The following NBAS variants were observed in gnomAD, a reference collection of about 807,000 sequenced individuals.
NBAS encodes the protein NAG/BC035112 fusion.
Under a neutral mutation model 302.5 loss-of-function variants are expected in NBAS, and 219 were observed. The ratio of observed to expected loss-of-function variants is 0.72; its 90% CI spans 0.65 to 0.81. NBAS has a LOEUF of 0.81. NBAS is among the 30% of genes least tolerant of loss of function. The pLI is 0.00. For missense variants in NBAS, 2,932 were observed against 2,841.6 expected, an observed-to-expected ratio of 1.03 and a Z score of -0.72; for synonymous variants, 1,118 against 1,021.6, an observed-to-expected ratio of 1.09 and a Z score of -1.80.
At chr2:15,004,165 T>C in the NBAS span, among the ~76,000 whole-genome samples, 1 of 152,230 alleles carries the variant, frequency 6.6e-6, no homozygotes, top group Admixed American at 6.5e-5. Flanking sequence ...TCCTTCAACG[T>C]AGAAAATCGT....
chr2:15,176,973 T>G (rs1365774659), intron 51 of NBAS, among the ~76,000 whole-genome samples: 2 of 152,366 alleles, frequency 1.3e-5, no homozygotes, highest in South Asian at 2.1e-4. Flanking sequence ...AAGGTCTTTT[T>G]GTGGGACACA....
chr2:15,364,399 C>T (rs779323290), intron 32 of NBAS, among the ~76,000 whole-genome samples: 23 of 152,072 alleles, frequency 1.5e-4, no homozygotes, highest in Admixed American at 9.2e-4. Context: ...GGTGTGGTGG[C>T]GCATGCCTGT....
chr2:15,521,387 T>C (rs2148662034), intron 9 of NBAS, among the ~76,000 whole-genome samples: 1 of 152,326 alleles, frequency 6.6e-6, no homozygotes, highest in South Asian at 2.1e-4. Context: ...ATTCATACAG[T>C]TGTTCCACCT....
chr2:14,957,382 CA>C, the NBAS span, among the ~76,000 whole-genome samples: 2 of 151,606 alleles, frequency 1.3e-5, no homozygotes, highest in African/African-American at 2.4e-5. Context: ...ATTACCTTTT[CA>C]AAAGTTCTCA....
chr2:15,249,112 C>G (rs1668239848), intron 44 of NBAS, among the ~76,000 whole-genome samples: 1 of 152,108 alleles, frequency 6.6e-6, no homozygotes, highest in African/African-American at 2.4e-5. Context: ...AAAGCTTATC[C>G]ACCATGATCA....
At chr2:15,136,647 G>A in the NBAS span, among the ~76,000 whole-genome samples, 1 of 152,196 alleles carries the variant, frequency 6.6e-6, no homozygotes, top group Non-Finnish European at 1.5e-5. Flanking sequence ...CAGCTGATCA[G>A]GTCAGGGAGA....
intron 8 of NBAS, 100 bp from the exon 9 acceptor site, chr2:15,534,741 C>A (rs1225194994): frequency 1.2e-5 from 11 of 908,554 alleles, no homozygotes; most frequent in Non-Finnish European, 2.0e-5. Flanking sequence ...ACAGACAATA[C>A]CAAATATTGC....
At chr2:15,157,721 A>C in the NBAS span, among the ~76,000 whole-genome samples, 1 of 152,202 alleles carries the variant, frequency 6.6e-6, no homozygotes, top group Non-Finnish European at 1.5e-5. Flanking sequence ...CCCTGTCATG[A>C]CAACTGGGAG....
intron 28 of NBAS, among the ~76,000 whole-genome samples, chr2:15,392,226 A>G (rs1049956598): frequency 1.1e-4 from 17 of 151,896 alleles, no homozygotes; most frequent in African/African-American, 4.1e-4. Context: ...TTTTTAACAT[A>G]CATAAAAGTA....
At chr2:14,990,910 C>T in the NBAS span, among the ~76,000 whole-genome samples, 1 of 152,160 alleles carries the variant, frequency 6.6e-6, no homozygotes, top group African/African-American at 2.4e-5. Context: ...AAGAAATAGA[C>T]AATGGTGACA....
At chr2:15,387,261 G>T (rs1017157805) in intron 28 of NBAS, among the ~76,000 whole-genome samples, 1 of 151,968 alleles carries the variant, frequency 6.6e-6, no homozygotes, top group Non-Finnish European at 1.5e-5. Flanking sequence ...TAGAGACAAG[G>T]TTTCACCATG....
intron 38 of NBAS, among the ~76,000 whole-genome samples, chr2:15,310,660 T>C (rs927104568): frequency 1.3e-5 from 2 of 152,214 alleles, no homozygotes; most frequent in East Asian, 3.9e-4. Context: ...TGGGGGTTCA[T>C]GCCCGTAATC....
chr2:15,337,636 C>T (rs1672651296), intron 35 of NBAS, among the ~76,000 whole-genome samples: 1 of 152,088 alleles, frequency 6.6e-6, no homozygotes, highest in African/African-American at 2.4e-5. Flanking sequence ...ATGAAATTCA[C>T]ATGCTCAGAA....
chr2:15,363,071 CAA>C (rs533779593), intron 32 of NBAS, among the ~76,000 whole-genome samples: 1 of 151,922 alleles, frequency 6.6e-6, no homozygotes, highest in Middle Eastern at 3.2e-3. Context: ...AACAAAAACC[CAA>C]AAAACAGTCA....
At chr2:15,073,966 C>CA in the NBAS span, among the ~76,000 whole-genome samples, 14 of 152,208 alleles carry the variant, frequency 9.2e-5, no homozygotes, top group South Asian at 2.9e-3. Context: ...AACCAGACCT[C>CA]AATGATTTTA....
At chr2:15,293,077 A>C (rs1670385085) in intron 40 of NBAS, among the ~76,000 whole-genome samples, 1 of 152,142 alleles carries the variant, frequency 6.6e-6, no homozygotes, top group Non-Finnish European at 1.5e-5. Flanking sequence ...AACTATTATA[A>C]ACCTCCATCA....
chr2:15,372,566 A>T lies in NBAS; in HGVS notation c.3703+2042T>A, dbSNP rs548853346. Among the ~76,000 whole-genome samples the T allele has an allele frequency of 5.3e-5, 8 of 152,346 alleles. No individual in the cohort carries two copies. The South Asian group carries it at 1.4e-3, about 28-fold the overall frequency. On this transcript the variant is annotated intron_variant, in intron 31 of 51. Coordinates refer to ENST00000281513, the MANE Select transcript of NBAS (RefSeq NM_015909.4). ...GAATACAAAAGAAGCTAAAACCTAA[A>T]TGGCATCTGTAAGATAAACACAACA...
chr2:14,812,051 T>C, the NBAS span, among the ~76,000 whole-genome samples: 1 of 152,212 alleles, frequency 6.6e-6, no homozygotes, highest in Admixed American at 6.5e-5. Context: ...CAGCTCTGCA[T>C]GACATTGGCT....
chr2:15,556,907 T>C (rs1238380907), intron 2 of NBAS, 88 bp from the exon 3 acceptor site: 7 of 1,032,546 alleles, frequency 6.8e-6, no homozygotes, highest in Non-Finnish European at 9.1e-6. Context: ...AAATCTAAAA[T>C]ATACTACAGA....
Sources: allele counts gnomAD v4.1 joint callset (sites outside exome capture counted in the v4.1 genomes callset), GRCh38; gene constraint gnomAD v4.1.1; transcripts MANE v1.5; gene names NCBI Gene and HGNC (gene_info 2026-07-23, HGNC 2026-07-21).